Variants in METTL22 observed in about 807,000 individuals in gnomAD.
METTL22 encodes methyltransferase-like protein 22.
METTL22 carries 51 observed loss-of-function variants against 48.4 expected under a neutral mutation model. The ratio of observed to expected loss-of-function variants is 1.05; its 90% CI spans 0.84 to 1.33. METTL22 has a LOEUF of 1.33. METTL22 is among the 40% of genes most tolerant of loss of function. The pLI is 0.00. For missense variants in METTL22, 678 were observed against 526.9 expected (o/e 1.29, Z -2.81); for synonymous variants, 255 against 214.1 (o/e 1.19, Z -1.67).
intron 5 of METTL22, among the ~76,000 whole-genome samples, chr16:8,638,866 C>T (rs1443615362): frequency 6.6e-6 from 1 of 152,196 alleles, no homozygotes; most frequent in African/African-American, 2.4e-5. Flanking sequence ...CTCTGGAATG[C>T]GCACTGTCTC....
the METTL22 span, among the ~76,000 whole-genome samples, chr16:8,659,939 T>C: frequency 9.2e-5 from 14 of 152,038 alleles, no homozygotes; most frequent in African/African-American, 3.4e-4. Flanking sequence ...TTGCCCAGGC[T>C]GGTCTCAAAC....
In METTL22 at chr16:8,632,318, G is replaced by C. The variant is rs532402630; in HGVS notation, c.515-2721G>C. On this transcript the variant is annotated intron_variant, in intron 3 of 10. Transcript: ENST00000381920. ...TCAGCAGAAAGCACATCTTAGATCA[G>C]TTCTTGGTCAGACTCCCAAATGACT... is the stretch of plus-strand genomic sequence containing the variant. Among the ~76,000 whole-genome samples, 6 of 152,254 alleles carry C rather than the reference G, an allele frequency of 3.9e-5. No homozygotes were observed. The East Asian group carries it at 1.2e-3, about 29-fold the overall frequency.
intron 3 of METTL22, among the ~76,000 whole-genome samples, chr16:8,629,316 C>G (rs973972445): frequency 6.6e-6 from 1 of 152,228 alleles, no homozygotes; most frequent in African/African-American, 2.4e-5. Flanking sequence ...TGTGCGCTTT[C>G]TTCTCTGTGC....
intron 3 of METTL22, chr16:8,631,293 T>G (rs1485119720): frequency 6.6e-6 from 1 of 152,174 alleles, no homozygotes; most frequent in African/African-American, 2.4e-5. Flanking sequence ...CTGCCAGGAA[T>G]CCACAGACCC....
chr16:8,631,502 T>C (rs1005697149), intron 3 of METTL22: 1 of 152,204 alleles, frequency 6.6e-6, no homozygotes, highest in African/African-American at 2.4e-5. Flanking sequence ...CTCCTCCAGT[T>C]GTAAGGAATT....
At position 8,647,787 on chromosome 16, in the gene METTL22, G is replaced by A. The variant is rs1468813413; in HGVS notation, c.*1644G>A. 1 of 152,208 alleles carries A rather than the reference G, an allele frequency of 6.6e-6. No individual in the cohort carries two copies. The highest frequency in any genetic ancestry group is 1.5e-5 in the Non-Finnish European group (1 of 68,056). 9.4% of individuals were successfully genotyped at this position (152,208 alleles called of 1,614,324 possible). A position where few individuals can be genotyped will look rare whatever the true frequency, so the allele number is the denominator to read the frequency against. On this transcript the variant is annotated 3_prime_UTR_variant, in exon 11 of 11. Transcript: ENST00000381920. The stretch of plus-strand genomic sequence containing the variant: ...CTCTGGGAGCAAGAAGAAAACCTAT[G>A]CATGTACGTTATTATAAATCTTCAA...
chr16:8,665,717 C>T, the METTL22 span, among the ~76,000 whole-genome samples: 1 of 152,328 alleles, frequency 6.6e-6, no homozygotes, highest in African/African-American at 2.4e-5. Flanking sequence ...AGACGCTGTG[C>T]TGAATACCTG....
chr16:8,639,387 C>T, intron 6 of METTL22: 1 of 582,730 alleles, frequency 1.7e-6, no homozygotes, highest in Admixed American at 2.9e-5. Flanking sequence ...CCTACTCCAG[C>T]TCTTTCTCTC....
At chr16:8,645,248 G>C (rs1337610663) in intron 10 of METTL22, among the ~76,000 whole-genome samples, 6 of 152,152 alleles carry the variant, frequency 3.9e-5, no homozygotes, top group African/African-American at 1.4e-4. Flanking sequence ...TGTCTGTGGA[G>C]ACCCGGGCCT....
intron 3 of METTL22, among the ~76,000 whole-genome samples, chr16:8,629,319 C>T (rs919724301): frequency 8.5e-5 from 13 of 152,212 alleles, no homozygotes; most frequent in African/African-American, 2.7e-4. Flanking sequence ...GCGCTTTCTT[C>T]TCTGTGCTGT....
chr16:8,654,929 A>G, the METTL22 span, among the ~76,000 whole-genome samples: 1 of 152,210 alleles, frequency 6.6e-6, no homozygotes, highest in East Asian at 1.9e-4. Context: ...ACATTTTTAC[A>G]GAGAACGCTA....
chr16:8,654,364 G>C (rs2056936101), downstream of METTL22, among the ~76,000 whole-genome samples: 1 of 152,224 alleles, frequency 6.6e-6, no homozygotes, highest in Non-Finnish European at 1.5e-5. Flanking sequence ...GTGTTTATAG[G>C]TGGAAAGTTA....
chr16:8,654,903 A>G, the METTL22 span, among the ~76,000 whole-genome samples: 1 of 152,168 alleles, frequency 6.6e-6, no homozygotes, highest in Non-Finnish European at 1.5e-5. Context: ...AGTTTTATCC[A>G]TGTTTCTAGC....
At chr16:8,642,697 G>C in intron 9 of METTL22, 132 bp downstream of exon 9, 1 of 849,078 alleles carries the variant, frequency 1.2e-6, no homozygotes, top group Non-Finnish European at 2.0e-6. Flanking sequence ...CTATGTGCCA[G>C]GTCTGTGCTC....
At chr16:8,629,513 C>A (rs2056183243) in intron 3 of METTL22, among the ~76,000 whole-genome samples, 1 of 152,144 alleles carries the variant, frequency 6.6e-6, no homozygotes, top group South Asian at 2.1e-4. Flanking sequence ...GCTGGGCTGG[C>A]AGTAGGGAGC....
chr16:8,645,824 C>A, intron 10 of METTL22: 1 of 774,448 alleles, frequency 1.3e-6, no homozygotes, highest in Non-Finnish European at 1.7e-6. Flanking sequence ...AGAGATACGG[C>A]AACTCACTGC....
the METTL22 span, among the ~76,000 whole-genome samples, chr16:8,660,471 G>A: frequency 2.6e-5 from 4 of 151,948 alleles, no homozygotes; most frequent in Admixed American, 2.0e-4. Flanking sequence ...GACCCACTGC[G>A]CCCAGCATAA....
downstream of METTL22, among the ~76,000 whole-genome samples, chr16:8,651,346 C>G (rs182769756): frequency 7.0e-5 from 9 of 127,952 alleles, 1 homozygote; most frequent in African/African-American, 2.6e-4. Flanking sequence ...GAGATCGAGC[C>G]ACTGCACTCC....
downstream of METTL22, among the ~76,000 whole-genome samples, chr16:8,654,458 T>C (rs2056937338): frequency 6.6e-6 from 1 of 152,270 alleles, no homozygotes; most frequent in Non-Finnish European, 1.5e-5. Flanking sequence ...TTATGTTATA[T>C]ACATGTATTT....
Sources: gnomAD v4.1 joint callset for allele counts (sites outside exome capture counted in the v4.1 genomes callset) on GRCh38, gnomAD v4.1.1 for gene constraint, MANE v1.5 for transcripts, NCBI Gene and HGNC (gene_info 2026-07-23, HGNC 2026-07-21) for gene names.